BLTP3B: variants seen among roughly 807,000 people sequenced by gnomAD.
The protein encoded by BLTP3B is UHRF1 (ICBP90) binding protein 1-like.
chr12:100,055,538 G>C, the BLTP3B span, among the ~76,000 whole-genome samples: 34 of 151,724 alleles, frequency 2.2e-4, no homozygotes, highest in African/African-American at 7.3e-4. Flanking sequence ...TTAGCTAGGC[G>C]TGGTGGTGGG....
the BLTP3B span, among the ~76,000 whole-genome samples, chr12:100,122,273 T>C: frequency 6.6e-6 from 1 of 152,170 alleles, no homozygotes; most frequent in Non-Finnish European, 1.5e-5. Context: ...CCATAGGCAG[T>C]CCTCATACTA....
At chr12:100,056,094 C>T in the BLTP3B span, among the ~76,000 whole-genome samples, 1 of 152,186 alleles carries the variant, frequency 6.6e-6, no homozygotes, top group Non-Finnish European at 1.5e-5. Flanking sequence ...GCACCTGCAA[C>T]AGTATGAATG....
chr12:100,086,934 G>A, the BLTP3B span, among the ~76,000 whole-genome samples: 15 of 152,270 alleles, frequency 9.9e-5, no homozygotes, highest in African/African-American at 3.6e-4. Flanking sequence ...GCCGAGGCGG[G>A]TGGATCACGA....
At chr12:100,056,853 A>G in the BLTP3B span, among the ~76,000 whole-genome samples, 2 of 151,936 alleles carry the variant, frequency 1.3e-5, no homozygotes, top group African/African-American at 4.8e-5. Context: ...AAGAAAAAAG[A>G]AAGTAATTCA....
chr12:100,134,509 C>T, the BLTP3B span, among the ~76,000 whole-genome samples: 7 of 151,650 alleles, frequency 4.6e-5, no homozygotes, highest in Admixed American at 2.0e-4. Context: ...TCCAGCCACT[C>T]GGGAGGCTGA....
the BLTP3B span, chr12:100,059,796 CATAAA>C: frequency 3.9e-6 from 6 of 1,522,360 alleles, no homozygotes; most frequent in African/African-American, 1.4e-5. Context: ...ACGCACAAAT[CATAAA>C]ATAAAAAGAA....
the BLTP3B span, among the ~76,000 whole-genome samples, chr12:100,083,761 A>G: frequency 1.2e-3 from 180 of 152,298 alleles, no homozygotes; most frequent in African/African-American, 4.2e-3. Context: ...TTGACTTAAA[A>G]AAAAAAGAAA....
At chr12:100,091,851 G>A in the BLTP3B span, among the ~76,000 whole-genome samples, 3 of 150,510 alleles carry the variant, frequency 2.0e-5, no homozygotes, top group South Asian at 6.4e-4. Context: ...TGTCGCCCAG[G>A]ACAGGGTGCA....
chr12:100,124,964 A>ATATATAT, the BLTP3B span, among the ~76,000 whole-genome samples: 1 of 108,206 alleles, frequency 9.2e-6, no homozygotes, highest in East Asian at 3.2e-4. Flanking sequence ...ATATATATAT[A>ATATATAT]TATATATATA....
chr12:100,065,781 G>GCTTTACCCTTTGCCTTGTGATCTTTA, the BLTP3B span, among the ~76,000 whole-genome samples: 5 of 152,042 alleles, frequency 3.3e-5, no homozygotes. Flanking sequence ...TGTGATCTTT[G>GCTTTACCCTTTGCCTTGTGATCTTTA]CTTTACCCTT....
chr12:100,127,249 C>T, the BLTP3B span, among the ~76,000 whole-genome samples: 2 of 152,188 alleles, frequency 1.3e-5, no homozygotes, highest in African/African-American at 4.8e-5. Flanking sequence ...TAAAGTGAAT[C>T]TCAAAGGTTT....
chr12:100,137,099 C>T, the BLTP3B span, among the ~76,000 whole-genome samples: 11 of 152,218 alleles, frequency 7.2e-5, no homozygotes, highest in African/African-American at 2.4e-4. Flanking sequence ...GCATAAGCCA[C>T]GGCGCCCAGC....
chr12:100,103,348 A>G, the BLTP3B span, among the ~76,000 whole-genome samples: 4 of 152,184 alleles, frequency 2.6e-5, no homozygotes, highest in African/African-American at 9.6e-5. Flanking sequence ...TCTCAGGGTA[A>G]TATTTTTCTC....
chr12:100,065,823 T>C, the BLTP3B span, among the ~76,000 whole-genome samples: 1 of 152,214 alleles, frequency 6.6e-6, no homozygotes, highest in African/African-American at 2.4e-5. Context: ...CTCAAAAGCA[T>C]GTGATCTTTG....
the BLTP3B span, chr12:100,108,616 A>T: frequency 1.5e-6 from 2 of 1,329,230 alleles, no homozygotes; most frequent in Non-Finnish European, 2.0e-6. Flanking sequence ...ATTTTTTCAA[A>T]TATACAGAGA....
At chr12:100,065,303 GA>G in the BLTP3B span, among the ~76,000 whole-genome samples, 167 of 144,774 alleles carry the variant, frequency 1.2e-3, no homozygotes, top group African/African-American at 3.2e-3. Context: ...AGTGCACCTT[GA>G]AAAAAAAAAA....
chr12:100,060,570 A>G, the BLTP3B span, among the ~76,000 whole-genome samples: 2 of 152,148 alleles, frequency 1.3e-5, no homozygotes, highest in African/African-American at 2.4e-5. Context: ...GAAAGGAGGG[A>G]CCGTGCATAA....
the BLTP3B span, among the ~76,000 whole-genome samples, chr12:100,101,938 G>A: frequency 6.6e-6 from 1 of 151,838 alleles, no homozygotes; most frequent in Non-Finnish European, 1.5e-5. Context: ...TCAGTAGCTG[G>A]GAATACAGGC....
At chr12:100,083,334 C>T in the BLTP3B span, among the ~76,000 whole-genome samples, 1 of 151,932 alleles carries the variant, frequency 6.6e-6, no homozygotes, top group Non-Finnish European at 1.5e-5. Flanking sequence ...AAGAATCACA[C>T]ATGTCACATT....
Sources: allele counts gnomAD v4.1 joint callset (sites outside exome capture counted in the v4.1 genomes callset), GRCh38; gene constraint gnomAD v4.1.1; transcripts MANE v1.5; gene names NCBI Gene and HGNC (gene_info 2026-07-23, HGNC 2026-07-21).